Variants in SEC31B observed in about 807,000 individuals in gnomAD.
The protein encoded by SEC31B is SEC31 homolog B, COPII component.
SEC31B carries 113 observed loss-of-function variants against 135.0 expected under a neutral mutation model. The ratio of observed to expected loss-of-function variants is 0.84; its 90% CI spans 0.72 to 0.98. The LOEUF (loss-of-function observed/expected upper bound fraction) is 0.98. Among genes scored for constraint, SEC31B ranks in the 50% least tolerant of loss-of-function variants. The pLI, the probability that SEC31B is intolerant of heterozygous loss-of-function variation, is 0.00. For missense variants in SEC31B, 1,296 were observed against 1,421.1 expected (o/e 0.91, Z 1.42); for synonymous variants, 508 against 549.4 (o/e 0.92, Z 1.05).
chr10:100,502,297 T>C lies in SEC31B; in HGVS notation c.1367A>G (p.Gln456Arg), dbSNP rs764495819. The change falls in exon 11 of 26, where the codon CAA becomes CGA. Residue 456 changes from glutamine to arginine, a missense_variant. By Grantham distance (43) the Gln-to-Arg change is conservative. Transcript: ENST00000370345. ...CATCTTTTCACTTTGCAGTAAAGCT[T>C]GCTGGCTCTTGTTCTGACAGTAATT... ...LLNYCQNKSQ[Q>R]ALLQSEKMLW... The C allele has an allele frequency of 3.1e-6, 5 of 1,614,080 alleles. No homozygotes were observed. The highest frequency in any genetic ancestry group is 2.5e-6 in the Non-Finnish European group (3 of 1,180,044).
chr10:100,514,639 T>C (rs964610102), intron 3 of SEC31B, among the ~76,000 whole-genome samples: 1 of 151,968 alleles, frequency 6.6e-6, no homozygotes, highest in African/African-American at 2.4e-5. Context: ...CAACTAACTT[T>C]TCATTATGAA....
intron 10 of SEC31B, 123 bp downstream of exon 10, chr10:100,505,232 ACAGAGG>A (rs1851603180): frequency 2.5e-6 from 3 of 1,182,638 alleles, no homozygotes; most frequent in Non-Finnish European, 3.5e-6. Flanking sequence ...CCATTCTGAG[ACAGAGG>A]CAGTGGGAAT....
intron 17 of SEC31B, among the ~76,000 whole-genome samples, 169 bp from the exon 18 acceptor site, chr10:100,496,600 C>T (rs1159012682): frequency 6.6e-6 from 1 of 152,200 alleles, no homozygotes; most frequent in Admixed American, 6.5e-5. Context: ...CAGAGAAGGG[C>T]CACCTGGCCT....
chr10:100,519,608 A>G (rs1851915609), intron 1 of SEC31B, among the ~76,000 whole-genome samples, 174 bp downstream of exon 1: 2 of 152,238 alleles, frequency 1.3e-5, no homozygotes, highest in Non-Finnish European at 2.9e-5. Context: ...ATCCAATTCA[A>G]GGGTAGACGT....
Position 100,495,546 on chromosome 10 carries a change from G to T in SEC31B, c.2311C>A (p.Pro771Thr). ...MSFLPRDCAQ[P>T]PVQQLRDRLF... ...CGATCTCTTAGCTGCTGAACTGGTG[G>T]CTATAAGTTTTAATGAGGAAGAGCT... The change falls in exon 19 of 26, where the codon CCA (proline) becomes ACA (threonine). Residue 771 changes from proline to threonine, a missense_variant and splice_region_variant. Physicochemically the swap from Pro to Thr is conservative, Grantham distance 38 (BLOSUM62 -1). Coordinates refer to ENST00000370345, the MANE Select transcript of SEC31B (RefSeq NM_015490.4). The T allele has an allele frequency of 6.2e-7, 1 of 1,611,770 alleles. No homozygotes were observed. The highest frequency in any genetic ancestry group is 8.5e-7 in the Non-Finnish European group (1 of 1,179,136).
At chr10:100,508,564 C>T (rs1851676358) in intron 5 of SEC31B, 2 of 461,110 alleles carry the variant, frequency 4.3e-6, no homozygotes, top group South Asian at 3.1e-5. Flanking sequence ...AAGACCAGAC[C>T]CCCAACTGCA....
chr10:100,489,851 G>T, intron 21 of SEC31B, 90 bp from the exon 22 acceptor site: 1 of 1,594,074 alleles, frequency 6.3e-7, no homozygotes. Flanking sequence ...CTTTGAGTTG[G>T]AGTTCACCAT....
chr10:100,488,160 AAGAAT>A, intron 24 of SEC31B, 62 bp from the exon 25 acceptor site: 1 of 1,455,104 alleles, frequency 6.9e-7, no homozygotes, highest in Non-Finnish European at 9.6e-7. Context: ...CAGGGCCATA[AAGAAT>A]CACAGCATAT....
rs9420787 is a variant in SEC31B, at chr10:100,489,793, G to A, written c.2966-32C>T. 5.8e-3 allele frequency: 9,435 copies of A among 1,613,062 alleles called. 415 individuals carry two copies. In the African/African-American group the frequency reaches 0.1, roughly 18 times the overall value. ...AATAAAAAGATAGAGGTTTTTCGGC[G>A]CATAGTGAAAAACACTGGAAGTTTT... On this transcript the variant is annotated intron_variant, in intron 21 of 25. Coordinates refer to ENST00000370345, the MANE Select transcript of SEC31B (RefSeq NM_015490.4).
chr10:100,493,230 G>A (rs898680576), intron 19 of SEC31B, among the ~76,000 whole-genome samples: 16 of 151,966 alleles, frequency 1.1e-4, no homozygotes, highest in Non-Finnish European at 1.8e-4. Flanking sequence ...AAAATTATCC[G>A]GGCGTGGTGG....
At position 100,486,654 on chromosome 10, in the gene SEC31B, G is replaced by A. The variant is rs1057076423; in HGVS notation, c.*962C>T. 1.3e-5 allele frequency: 2 copies of A among 152,228 alleles called. No homozygotes were observed. Among genetic ancestry groups the A allele is most frequent in the African/African-American group, 2.4e-5 (1 of 41,438 alleles). The allele number at this position is 152,228 out of a possible 1,614,324, so 9.4% of individuals were successfully genotyped here. On this transcript the variant is annotated 3_prime_UTR_variant, in exon 26 of 26. Coordinates refer to ENST00000370345, the MANE Select transcript of SEC31B (RefSeq NM_015490.4). ...GGGAGATGACAGAGGAAACCAAATC[G>A]AAGCAGCTTTATTGCACCATTAAGT...
chr10:100,488,843 A>T lies in SEC31B; in HGVS notation c.3288+15T>A. ...GGGGTGCGAGGAGGGCACTGTGAAG[A>T]AGGTTCAGACTTACTAAGTCAGTTG... is the stretch of plus-strand genomic sequence containing the variant. On this transcript the variant is annotated intron_variant, in intron 24 of 25. Coordinates refer to ENST00000370345, the MANE Select transcript of SEC31B (RefSeq NM_015490.4). 1 of 1,566,546 alleles carries T rather than the reference A, an allele frequency of 6.4e-7. No homozygotes were observed.
chr10:100,496,769 C>G (rs1180184358), intron 17 of SEC31B, among the ~76,000 whole-genome samples: 1 of 152,252 alleles, frequency 6.6e-6, no homozygotes, highest in Non-Finnish European at 1.5e-5. Flanking sequence ...ACTTTTGTCT[C>G]TCCATGAGTC....
intron 2 of SEC31B, 110 bp from the exon 3 acceptor site, chr10:100,516,329 T>G: frequency 7.9e-7 from 1 of 1,273,730 alleles, no homozygotes; most frequent in East Asian, 2.4e-5. Flanking sequence ...GGGTATACCC[T>G]TTCTCAAAGG....
chr10:100,489,706 G>A lies in SEC31B; in HGVS notation c.3021C>T (p.Asn1007=), dbSNP rs753042457. 4.3e-6 allele frequency: 7 copies of A among 1,614,076 alleles called. No individual in the cohort carries two copies. The highest frequency in any genetic ancestry group is 2.7e-5 in the African/African-American group (2 of 74,920). The change falls in exon 22 of 26, where the codon AAC becomes AAT. Residue 1007 remains asparagine, a synonymous_variant. Transcript: ENST00000370345. ...GGGTAGGGAAAGATGCATTGACCTT[G>A]TTCCTCTGGAGGTTTCCCCTGGGGG... ...APAPRGNLQR[N]KLPETFMPPA...
At chr10:100,489,665 G>C (rs755587994) in intron 22 of SEC31B, 38 bp downstream of exon 22, 2 of 1,613,984 alleles carry the variant, frequency 1.2e-6, no homozygotes, top group Admixed American at 1.7e-5. Context: ...GGTCATTGGT[G>C]AATGTGCGAG....
At position 100,496,387 on chromosome 10, in the gene SEC31B, T is replaced by A; in HGVS notation, c.2181A>T (p.Gln727His). Residue 727 changes from glutamine (Q) to histidine (H), a missense_variant, in exon 18 of 26, where the codon CAA becomes CAT. By Grantham distance (24) the Gln-to-His change is conservative (BLOSUM62 0). Coordinates refer to ENST00000370345, the MANE Select transcript of SEC31B (RefSeq NM_015490.4). ...GGCTCACCCCATGAGGACCCCGCAG[T>A]TGCTCCAAGCTCCTGTTAAGAACCA... ...KVMVLNRSLEQLRGPHGVSPG... is the reference protein window; with the variant it reads ...KVMVLNRSLEHLRGPHGVSPG... 6.2e-7 allele frequency: 1 copy of A among 1,614,172 alleles called. No homozygotes were observed. Among genetic ancestry groups the A allele is most frequent in the Non-Finnish European group, 8.5e-7 (1 of 1,180,014 alleles).
At chr10:100,500,664 A>G (rs1851504676) in intron 11 of SEC31B, among the ~76,000 whole-genome samples, 1 of 152,174 alleles carries the variant, frequency 6.6e-6, no homozygotes, top group Non-Finnish European at 1.5e-5. Flanking sequence ...GAAGTTGCAC[A>G]GGTACAGTAA....
intron 24 of SEC31B, among the ~76,000 whole-genome samples, chr10:100,488,655 G>A (rs567074563): frequency 3.2e-4 from 49 of 152,056 alleles, no homozygotes; most frequent in African/African-American, 1.1e-3. Context: ...ATGCTGCTGG[G>A]TCCTACCACC....
Sources: allele counts gnomAD v4.1 joint callset (sites outside exome capture counted in the v4.1 genomes callset), GRCh38; gene constraint gnomAD v4.1.1; transcripts MANE v1.5; gene names NCBI Gene and HGNC (gene_info 2026-07-23, HGNC 2026-07-21).